Variants in DRD3 observed in about 807,000 individuals in gnomAD.
The protein encoded by DRD3 is dopamine receptor D3, also known as D(3) dopamine receptor.
In DRD3, 19 loss-of-function variants were observed where a neutral mutation model predicts 36.3. The observed-to-expected ratio is 0.52, with a 90% CI of 0.36 to 0.77. The LOEUF (loss-of-function observed/expected upper bound fraction) is 0.77, where lower values mean the gene tolerates loss of function less well. DRD3 is among the 30% of genes least tolerant of loss of function. The pLI is 0.00. For missense variants in DRD3, 465 were observed against 505.3 expected, an observed-to-expected ratio of 0.92 and a Z score of 0.77; for synonymous variants, 195 against 203.7, an observed-to-expected ratio of 0.96 and a Z score of 0.36.
intron 2 of DRD3, among the ~76,000 whole-genome samples, chr3:114,164,388 C>A (rs918363480): frequency 6.6e-6 from 1 of 151,802 alleles, no homozygotes; most frequent in South Asian, 2.1e-4. Context: ...TAAGTAACTC[C>A]CTGTGGCAAT....
intron 5 of DRD3, among the ~76,000 whole-genome samples, chr3:114,137,893 G>C (rs983403244): frequency 2.7e-5 from 4 of 150,526 alleles, no homozygotes; most frequent in African/African-American, 7.3e-5. Context: ...AGCTACTCGG[G>C]AGGCTGAGGC....
chr3:114,185,942 G>A (rs2077973037), intron 1 of DRD3, among the ~76,000 whole-genome samples: 1 of 152,122 alleles, frequency 6.6e-6, no homozygotes, highest in South Asian at 2.1e-4. Context: ...TAATAATGTG[G>A]TAACTCTGTA....
intron 3 of DRD3, among the ~76,000 whole-genome samples, chr3:114,151,231 A>G (rs3773678): frequency 0.73 from 110,596 of 152,102 alleles, 43,878 homozygotes; most frequent in Non-Finnish European, 0.87. Flanking sequence ...GTTAGTGGTA[A>G]CTATGAGGCA....
intron 1 of DRD3, among the ~76,000 whole-genome samples, chr3:114,196,072 A>G (rs1170521381): frequency 6.6e-6 from 1 of 152,222 alleles, no homozygotes; most frequent in Non-Finnish European, 1.5e-5. Context: ...TTTGAGCAGG[A>G]TGGCCATGTT....
At chr3:114,157,550 A>G (rs1236154970) in intron 3 of DRD3, among the ~76,000 whole-genome samples, 1 of 152,178 alleles carries the variant, frequency 6.6e-6, no homozygotes, top group East Asian at 1.9e-4. Context: ...TAGAGGTCAT[A>G]GCACAGGCCC....
chr3:114,173,639 G>T (rs1023313602), intron 1 of DRD3, among the ~76,000 whole-genome samples: 2 of 152,184 alleles, frequency 1.3e-5, no homozygotes, highest in Non-Finnish European at 2.9e-5. Flanking sequence ...AGGGGTGGGG[G>T]CCCAGCTTCT....
At chr3:114,167,528 G>A (rs542553650) in intron 2 of DRD3, among the ~76,000 whole-genome samples, 2 of 152,284 alleles carry the variant, frequency 1.3e-5, no homozygotes, top group South Asian at 4.1e-4. Context: ...CACCTGCTTG[G>A]TTTTTGTCCT....
intron 4 of DRD3, among the ~76,000 whole-genome samples, chr3:114,144,713 T>C (rs979891407): frequency 2.0e-5 from 3 of 152,204 alleles, no homozygotes; most frequent in Non-Finnish European, 4.4e-5. Flanking sequence ...TAATATCTAC[T>C]GAGCTCTTAC....
At chr3:114,158,103 AAAAAAAG>A (rs1415563864) in intron 3 of DRD3, among the ~76,000 whole-genome samples, 1 of 152,002 alleles carries the variant, frequency 6.6e-6, no homozygotes, top group Non-Finnish European at 1.5e-5. Flanking sequence ...ACTCCATCTC[AAAAAAAG>A]AAAAAAGAAA....
chr3:114,171,630 T>G, intron 2 of DRD3, 93 bp downstream of exon 2: 1 of 1,425,296 alleles, frequency 7.0e-7, no homozygotes, highest in Non-Finnish European at 9.3e-7. Flanking sequence ...TTCCTGACTG[T>G]CTGGGGAGTC....
chr3:114,191,499 G>A (rs137870039), intron 1 of DRD3, among the ~76,000 whole-genome samples: 1 of 152,330 alleles, frequency 6.6e-6, no homozygotes, highest in African/African-American at 2.4e-5. Context: ...GAGAGAAGAT[G>A]CCAGATGGTG....
chr3:114,199,011 T>A (rs1473262870), intron 1 of DRD3, among the ~76,000 whole-genome samples: 1 of 152,230 alleles, frequency 6.6e-6, no homozygotes, highest in African/African-American at 2.4e-5. Context: ...TCCCAAAGCA[T>A]GGGGATTATT....
intron 1 of DRD3, 65 bp from the exon 2 acceptor site, chr3:114,172,092 A>G: frequency 8.1e-7 from 1 of 1,230,904 alleles, no homozygotes; most frequent in Non-Finnish European, 1.1e-6. Context: ...GCTTAGTTAC[A>G]TTTTTTTATT....
At chr3:114,148,452 A>G (rs979349631) in intron 3 of DRD3, among the ~76,000 whole-genome samples, 2 of 152,202 alleles carry the variant, frequency 1.3e-5, no homozygotes, top group Non-Finnish European at 2.9e-5. Flanking sequence ...TTACATAACC[A>G]AAGCCCAGTT....
rs1559979304 is a variant in DRD3, at chr3:114,131,215, AT to A, written c.908del (p.Asn303MetfsTer8). ...GCTTCAAAGATGTCGATAATCTGCC[AT>A]TGCTGAGTTTTCGAACTTCTAAGCT... ...KLSLEVRKLSNGRLSTSLKLG... is the reference protein window; with the variant it reads ...KLSLEVRKLSXGRLSTSLKLG... On this transcript the variant is annotated frameshift_variant, in exon 6 of 7. Transcript: ENST00000383673. LOFTEE classifies it high-confidence loss of function. The A allele has an allele frequency of 6.2e-7, 1 of 1,614,196 alleles. No homozygotes were observed.
chr3:114,149,815 G>A (rs1374561447), intron 3 of DRD3, among the ~76,000 whole-genome samples: 1 of 152,200 alleles, frequency 6.6e-6, no homozygotes, highest in Non-Finnish European at 1.5e-5. Flanking sequence ...CAGCTAGAAA[G>A]TAGAGACCTC....
At chr3:114,165,684 T>G (rs2077776412) in intron 2 of DRD3, among the ~76,000 whole-genome samples, 1 of 152,092 alleles carries the variant, frequency 6.6e-6, no homozygotes, top group Admixed American at 6.5e-5. Flanking sequence ...AAGATAGAAG[T>G]ACTTCTCTAA....
intron 1 of DRD3, 99 bp from the exon 2 acceptor site, chr3:114,172,126 G>T: frequency 1.0e-6 from 1 of 997,814 alleles, no homozygotes; most frequent in Non-Finnish European, 1.4e-6. Flanking sequence ...AATATTTATT[G>T]AGCATTTTCT....
rs758835592 is a variant in DRD3, at chr3:114,127,627, G to A, written c.*1089C>T. ...ATTTATTATCAATATTAAGTATTAC[G>A]TACTGTACACAATTGTATACTTTTA... On this transcript the variant is annotated 3_prime_UTR_variant, in exon 7 of 7. Coordinates refer to ENST00000383673, the MANE Select transcript of DRD3 (RefSeq NM_000796.6). Among the ~76,000 whole-genome samples the A allele has an allele frequency of 6.6e-5, 10 of 152,218 alleles. No individual in the cohort carries two copies. Among genetic ancestry groups the A allele is most frequent in the South Asian group, 4.2e-4 (2 of 4,810 alleles).
Sources: allele counts gnomAD v4.1 joint callset (sites outside exome capture counted in the v4.1 genomes callset), GRCh38; gene constraint gnomAD v4.1.1; transcripts MANE v1.5; gene names NCBI Gene and HGNC (gene_info 2026-07-23, HGNC 2026-07-21).